Variants in LTBP2 observed in about 807,000 individuals in gnomAD.
LTBP2 encodes latent-transforming growth factor beta-binding protein 2.
Under a neutral mutation model 210.6 loss-of-function variants are expected in LTBP2, and 103 were observed. That is an observed-to-expected ratio of 0.49 (90% CI 0.42 to 0.58). The LOEUF (loss-of-function observed/expected upper bound fraction) is 0.58. Among genes scored for constraint, LTBP2 ranks in the 20% least tolerant of loss-of-function variants. The pLI, the probability that LTBP2 is intolerant of heterozygous loss-of-function variation, is 0.00. For missense variants in LTBP2, 2,313 were observed against 2,494.5 expected (o/e 0.93, Z 1.55); for synonymous variants, 1,007 against 1,015.0 (o/e 0.99, Z 0.15).
intron 8 of LTBP2, among the ~76,000 whole-genome samples, chr14:74,548,780 G>T: frequency 6.6e-6 from 1 of 152,142 alleles, no homozygotes. Context: ...CTCTACAGCA[G>T]TCTACGAGGC....
Position 74,500,855 on chromosome 14 carries a change from C to G in LTBP2, c.*29G>C. On this transcript the variant is annotated 3_prime_UTR_variant, in exon 36 of 36. Coordinates refer to ENST00000261978, the MANE Select transcript of LTBP2 (RefSeq NM_000428.3). ...CCTGCCTGTGACTGGAGGCCATTTC[C>G]AGGTAGTTGCCACACTGACCCCTGA... The G allele has an allele frequency of 6.2e-7, 1 of 1,613,356 alleles. No individual in the cohort carries two copies. The highest frequency in any genetic ancestry group is 8.5e-7 in the Non-Finnish European group (1 of 1,179,930).
At chr14:74,550,742 A>C (rs1225569958) in intron 7 of LTBP2, among the ~76,000 whole-genome samples, 3 of 152,214 alleles carry the variant, frequency 2.0e-5, no homozygotes, top group African/African-American at 7.2e-5. Flanking sequence ...CCACTGGTCC[A>C]TGTGCCAGGG....
At position 74,500,910 on chromosome 14, in the gene LTBP2, G is replaced by A. The variant is rs746292046; in HGVS notation, c.5440C>T (p.Pro1814Ser). ...TACTCCTTGGCAGTGCAGTGGGGGG[G>A]CCCTGCCTCAGCCACATATCCCGGG... Reference protein sequence around the residue: ...CSPGYVAEAGPPHCTAKE With the variant: ...CSPGYVAEAGSPHCTAKE The change falls in exon 36 of 36, where the codon CCC becomes TCC. Residue 1814 changes from proline (P) to serine (S), a missense_variant. By Grantham distance (74) the Pro-to-Ser change is moderately conservative (BLOSUM62 -1). Transcript: ENST00000261978. The A allele has an allele frequency of 5.0e-6, 8 of 1,614,136 alleles. No homozygotes were observed. Among genetic ancestry groups the A allele is most frequent in the Admixed American group, 3.3e-5 (2 of 60,034 alleles).
intron 10 of LTBP2, among the ~76,000 whole-genome samples, chr14:74,529,438 T>C (rs971357837): frequency 3.9e-5 from 6 of 152,226 alleles, no homozygotes; most frequent in South Asian, 4.1e-4. Context: ...AAGTGTTTAC[T>C]GAAGGCCCCA....
intron 14 of LTBP2, among the ~76,000 whole-genome samples, chr14:74,525,799 G>T (rs1388602381): frequency 6.6e-6 from 1 of 152,200 alleles, no homozygotes; most frequent in East Asian, 1.9e-4. Flanking sequence ...CTGTCTCTTT[G>T]TTCTGATTTA....
rs765723436 is a variant in LTBP2, at chr14:74,501,559, C to T, written c.5202G>A (p.Ala1734=). The change falls in exon 35 of 36, where the codon GCG becomes GCA. Residue 1734 remains alanine (A), a synonymous_variant. Transcript: ENST00000261978. ...EPPAGFEGLQ[A]EECGILNGCE... ...AGCCGTTCAGGATGCCGCACTCCTC[C>T]GCCTGAAGCCCTTCGAAGCCGGCTG... 2.3e-5 allele frequency: 37 copies of T among 1,614,010 alleles called. No homozygotes were observed. Among genetic ancestry groups the T allele is most frequent in the South Asian group, 1.1e-4 (10 of 91,088 alleles).
chr14:74,507,439 A>G lies in LTBP2; in HGVS notation c.3776-129T>C, dbSNP rs1011939250. The G allele has an allele frequency of 5.5e-6, 7 of 1,278,614 alleles. No individual in the cohort carries two copies. The African/African-American group carries it at 8.8e-5, about 16-fold the overall frequency. 79.2% of individuals were successfully genotyped at this position (1,278,614 alleles called of 1,614,324 possible). A position where few individuals can be genotyped will look rare whatever the true frequency, so the allele number is the denominator to read the frequency against. On this transcript the variant is annotated intron_variant, in intron 25 of 35. Coordinates refer to ENST00000261978, the MANE Select transcript of LTBP2 (RefSeq NM_000428.3). ...AAATTACTGTGCTCATCCCAACCCC[A>G]GCACATCAAGGTCAGGACGATTTCC...
chr14:74,601,262 G>A (rs2088442126), intron 2 of LTBP2, among the ~76,000 whole-genome samples: 1 of 152,122 alleles, frequency 6.6e-6, no homozygotes, highest in Admixed American at 6.5e-5. Flanking sequence ...AAAATTATGA[G>A]GGGCTGGGCG....
In LTBP2 at chr14:74,529,011, C is replaced by T. The variant is rs750926855; in HGVS notation, c.2099G>A (p.Arg700His). The T allele has an allele frequency of 4.7e-5, 76 of 1,604,100 alleles. 1 individual carries two copies. The highest frequency in any genetic ancestry group is 6.7e-5 in the South Asian group (6 of 89,160). ...RITKQICCCS[R>H]VGKAWGSECE... The stretch of plus-strand genomic sequence containing the variant: ...CTCGCTGCCCCATGCTTTGCCCACG[C>T]GGCTGCAGCAGCATATCTGCTTGGT... The change falls in exon 11 of 36, where the codon CGC becomes CAC. Residue 700 changes from arginine (R) to histidine (H), a missense_variant. Transcript: ENST00000261978.
At chr14:74,603,546 C>T (rs2088479104) in intron 2 of LTBP2, 89 bp downstream of exon 2, 1 of 1,355,302 alleles carries the variant, frequency 7.4e-7, no homozygotes, top group Admixed American at 1.7e-5. Flanking sequence ...TTCTGGAGTA[C>T]CTAAGCTTGA....
chr14:74,604,972 G>A (rs535184803), intron 1 of LTBP2, among the ~76,000 whole-genome samples: 10 of 152,308 alleles, frequency 6.6e-5, no homozygotes, highest in East Asian at 1.9e-4. Context: ...AGACCAGGGC[G>A]TCTCCCTAGA....
At chr14:74,528,889 G>A (rs1191748691) in intron 11 of LTBP2, 69 bp downstream of exon 11, 3 of 1,581,136 alleles carry the variant, frequency 1.9e-6, no homozygotes, top group Non-Finnish European at 2.6e-6. Context: ...AGTCTACCCA[G>A]GCCTGGCAAC....
chr14:74,509,395 A>G, intron 21 of LTBP2, 32 bp from the exon 22 acceptor site: 1 of 1,612,038 alleles, frequency 6.2e-7, no homozygotes, highest in Non-Finnish European at 8.5e-7. Context: ...CCGGGGACCT[A>G]GGAGGGCTCC....
chr14:74,592,769 C>G (rs1029844251), intron 2 of LTBP2, among the ~76,000 whole-genome samples: 2 of 152,178 alleles, frequency 1.3e-5, no homozygotes, highest in Non-Finnish European at 2.9e-5. Flanking sequence ...GTTTATCAAG[C>G]ATGATACCGC....
At chr14:74,577,081 A>G (rs181777413) in intron 3 of LTBP2, among the ~76,000 whole-genome samples, 1 of 151,234 alleles carries the variant, frequency 6.6e-6, no homozygotes, top group Admixed American at 6.5e-5. Flanking sequence ...TTCCGAGTCT[A>G]TTCAAAATAG....
intron 1 of LTBP2, among the ~76,000 whole-genome samples, chr14:74,607,036 C>A (rs1211160135): frequency 6.6e-6 from 1 of 152,154 alleles, no homozygotes; most frequent in Non-Finnish European, 1.5e-5. Context: ...CAGTGCCCAA[C>A]ATGTGGTATA....
At chr14:74,564,926 G>A (rs889866629) in intron 3 of LTBP2, among the ~76,000 whole-genome samples, 11 of 152,222 alleles carry the variant, frequency 7.2e-5, no homozygotes, top group East Asian at 1.9e-4. Context: ...ACCATTAATC[G>A]TTTCTTTATC....
chr14:74,540,709 G>A (rs1292054224), intron 8 of LTBP2, among the ~76,000 whole-genome samples: 2 of 141,686 alleles, frequency 1.4e-5, no homozygotes, highest in Non-Finnish European at 3.0e-5. Flanking sequence ...AGCTTGCAGT[G>A]AGCCGAGATT....
intron 15 of LTBP2, among the ~76,000 whole-genome samples, chr14:74,524,487 G>A (rs926887934): frequency 6.6e-6 from 1 of 152,076 alleles, no homozygotes; most frequent in African/African-American, 2.4e-5. Context: ...GGGCACACAC[G>A]TGTACAGGGA....
Sources: gnomAD v4.1 joint callset for allele counts (sites outside exome capture counted in the v4.1 genomes callset) on GRCh38, gnomAD v4.1.1 for gene constraint, MANE v1.5 for transcripts, NCBI Gene and HGNC (gene_info 2026-07-23, HGNC 2026-07-21) for gene names.